The following SNX29 variants were observed in gnomAD, a reference collection of about 807,000 sequenced individuals.
SNX29 encodes sorting nexin 29, also known as sorting nexin-29.
In SNX29, 78 loss-of-function variants were observed where a neutral mutation model predicts 102.1. That is an observed-to-expected ratio of 0.76 (90% CI 0.64 to 0.92). SNX29 has a LOEUF of 0.92. SNX29 is among the 40% of genes least tolerant of loss of function. The pLI, the probability that SNX29 is intolerant of heterozygous loss-of-function variation, is 0.00. For synonymous variants in SNX29, 580 were observed against 414.5 expected (o/e 1.40, Z -4.85); for missense variants, 1,280 against 1,061.7 (o/e 1.21, Z -2.86).
At chr16:12,325,125 T>G (rs1241069221) in intron 15 of SNX29, among the ~76,000 whole-genome samples, 1 of 152,202 alleles carries the variant, frequency 6.6e-6, no homozygotes, top group Non-Finnish European at 1.5e-5. Flanking sequence ...GCTAGCAATG[T>G]ATCCCATCTC....
intron 4 of SNX29, among the ~76,000 whole-genome samples, chr16:12,031,279 C>T (rs1476354328): frequency 6.6e-6 from 1 of 151,830 alleles, no homozygotes; most frequent in Non-Finnish European, 1.5e-5. Flanking sequence ...CTCATGTTGG[C>T]TAGGCTGGTC....
At chr16:12,398,951 T>G (rs2083830809) in intron 17 of SNX29, among the ~76,000 whole-genome samples, 1 of 152,158 alleles carries the variant, frequency 6.6e-6, no homozygotes, top group Non-Finnish European at 1.5e-5. Context: ...GGCCCCTGGG[T>G]TATTGGAAAC....
At chr16:12,230,585 C>G (rs1398454850) in intron 14 of SNX29, among the ~76,000 whole-genome samples, 2 of 152,154 alleles carry the variant, frequency 1.3e-5, no homozygotes, top group African/African-American at 2.4e-5. Context: ...TGAGACAGAT[C>G]AAACAAAGCT....
intron 18 of SNX29, among the ~76,000 whole-genome samples, chr16:12,473,287 G>A (rs1389799766): frequency 1.3e-5 from 2 of 152,030 alleles, no homozygotes; most frequent in Non-Finnish European, 2.9e-5. Flanking sequence ...GGGTAATTTT[G>A]AGTAATTTTG....
chr16:12,448,177 G>A (rs1311193269), intron 18 of SNX29, among the ~76,000 whole-genome samples: 3 of 152,222 alleles, frequency 2.0e-5, no homozygotes, highest in Non-Finnish European at 4.4e-5. Context: ...AGGACACATA[G>A]CTTGTAAGTG....
At chr16:12,226,639 T>TTGTGTA (rs1308915655) in intron 14 of SNX29, among the ~76,000 whole-genome samples, 3 of 147,886 alleles carry the variant, frequency 2.0e-5, no homozygotes, top group Non-Finnish European at 4.5e-5. Context: ...ACTGGTGCAA[T>TTGTGTA]CTTGGCTCAC....
At chr16:12,309,275 G>C (rs1379105834) in intron 15 of SNX29, among the ~76,000 whole-genome samples, 1 of 152,150 alleles carries the variant, frequency 6.6e-6, no homozygotes, top group South Asian at 2.1e-4. Flanking sequence ...TGCCTTTTTG[G>C]TGCTCAAGTT....
At position 12,096,456 on chromosome 16, in the gene SNX29, G is replaced by C. The variant is rs772205055; in HGVS notation, c.1402+17541G>C. On this transcript the variant is annotated intron_variant, in intron 11 of 20. Transcript: ENST00000566228. The surrounding 1 kb of genome is among the most constrained non-coding windows in gnomAD (Gnocchi z 4.2). ...AAAATTTCCCCATCATTATAATGCA[G>C]ATTTAAGAGTGCCAGCACCATGGGC... 6.6e-6 allele frequency among the ~76,000 whole-genome samples: 1 copy of C among 152,210 alleles called. No homozygotes were observed. The highest frequency in any genetic ancestry group is 2.4e-5 in the African/African-American group (1 of 41,454).
intron 14 of SNX29, among the ~76,000 whole-genome samples, chr16:12,217,965 T>A (rs1055537377): frequency 2.0e-5 from 3 of 152,252 alleles, no homozygotes; most frequent in Non-Finnish European, 2.9e-5. Context: ...ATAAAATTTT[T>A]CTTGGTTTCC....
At chr16:12,193,363 G>T (rs1459245547) in intron 13 of SNX29, among the ~76,000 whole-genome samples, 1 of 151,756 alleles carries the variant, frequency 6.6e-6, no homozygotes, top group East Asian at 1.9e-4. Context: ...CCAGCTACTT[G>T]GGATCTGAGG....
At chr16:12,078,035 C>T (rs2051669465) in intron 10 of SNX29, among the ~76,000 whole-genome samples, 1 of 152,168 alleles carries the variant, frequency 6.6e-6, no homozygotes, top group African/African-American at 2.4e-5. Flanking sequence ...AATTCACAGC[C>T]AGCAGCACTG....
chr16:12,194,546 AT>A (rs1003976483), intron 13 of SNX29, among the ~76,000 whole-genome samples: 14 of 148,832 alleles, frequency 9.4e-5, no homozygotes, highest in African/African-American at 3.2e-4. Context: ...TGCTTGACTC[AT>A]TTTCAGTCTT....
chr16:12,432,818 G>A (rs1648116522), intron 18 of SNX29, among the ~76,000 whole-genome samples: 2 of 152,236 alleles, frequency 1.3e-5, no homozygotes, highest in Admixed American at 6.5e-5. Context: ...AGGGGTGAGA[G>A]GCTGGGTCTT....
chr16:12,218,186 T>C (rs2077375308), intron 14 of SNX29, among the ~76,000 whole-genome samples: 5 of 152,262 alleles, frequency 3.3e-5, no homozygotes, highest in Admixed American at 3.3e-4. Flanking sequence ...TTAAATAATT[T>C]AATACTTTAT....
intron 20 of SNX29, among the ~76,000 whole-genome samples, chr16:12,558,741 C>T (rs1360707128): frequency 2.0e-5 from 3 of 152,208 alleles, no homozygotes; most frequent in African/African-American, 7.2e-5. Context: ...CACCACTAGG[C>T]TGTCCCAGGC....
intron 14 of SNX29, among the ~76,000 whole-genome samples, chr16:12,251,634 C>T (rs539996172): frequency 7.9e-5 from 12 of 152,072 alleles, no homozygotes; most frequent in South Asian, 2.1e-4. Context: ...ACCTGGGAGG[C>T]GGAGGTTGCA....
At chr16:12,020,078 GT>G (rs1448642214) in intron 3 of SNX29, among the ~76,000 whole-genome samples, 1 of 151,430 alleles carries the variant, frequency 6.6e-6, no homozygotes, top group African/African-American at 2.4e-5. Context: ...AATAGCTATT[GT>G]TTATCTAACC....
At chr16:12,538,384 C>T (rs890628510) in intron 20 of SNX29, among the ~76,000 whole-genome samples, 1 of 152,124 alleles carries the variant, frequency 6.6e-6, no homozygotes, top group Non-Finnish European at 1.5e-5. Flanking sequence ...GCCACCGCGC[C>T]CGGCCTCCCC....
intron 18 of SNX29, among the ~76,000 whole-genome samples, chr16:12,431,434 C>CTTT (rs200189537): frequency 8.0e-5 from 11 of 136,932 alleles, no homozygotes; most frequent in East Asian, 2.1e-4. Flanking sequence ...TCTTCTTCTT[C>CTTT]TTTTTTTTTT....
Sources: allele counts gnomAD v4.1 joint callset (sites outside exome capture counted in the v4.1 genomes callset), GRCh38; gene constraint gnomAD v4.1.1; non-coding constraint Gnocchi (gnomAD v3.1); transcripts MANE v1.5; gene names NCBI Gene and HGNC (gene_info 2026-07-23, HGNC 2026-07-21).